The following GNS variants were observed in gnomAD, a reference collection of about 807,000 sequenced individuals.
GNS encodes glucosamine (N-acetyl)-6-sulfatase.
Under a neutral mutation model 69.7 loss-of-function variants are expected in GNS, and 40 were observed. The observed-to-expected ratio is 0.57, with a 90% CI of 0.45 to 0.75. The LOEUF is 0.75. Among genes scored for constraint, GNS ranks in the 30% least tolerant of loss-of-function variants. The pLI, the probability that GNS is intolerant of heterozygous loss-of-function variation, is 0.00. For synonymous variants in GNS, 243 were observed against 251.6 expected (o/e 0.97, Z 0.32); for missense variants, 565 against 685.5 (o/e 0.82, Z 1.96).
chr12:64,755,174 AC>A (rs748303647), intron 1 of GNS, among the ~76,000 whole-genome samples: 18 of 152,244 alleles, frequency 1.2e-4, no homozygotes, highest in Non-Finnish European at 1.6e-4. Flanking sequence ...CCCAAGCAGA[AC>A]CCTTTTCATT....
intron 11 of GNS, chr12:64,722,748 A>G (rs1017721909): frequency 4.5e-6 from 2 of 448,814 alleles, no homozygotes; most frequent in African/African-American, 4.0e-5. Context: ...AACAGGGAAG[A>G]GGAATTGATA....
chr12:64,747,791 T>C lies in GNS; in HGVS notation c.380A>G (p.Gln127Arg), dbSNP rs949871700. 2 of 1,612,790 alleles carry C rather than the reference T, an allele frequency of 1.2e-6. No individual in the cohort carries two copies. The highest frequency in any genetic ancestry group is 1.7e-6 in the Non-Finnish European group (2 of 1,178,736). Residue 127 changes from glutamine (Q) to arginine (R), a missense_variant, in exon 3 of 14, where the codon CAA becomes CGA. Transcript: ENST00000258145. Reference protein sequence around the residue: ...NCSSKSWQKIQEPNTFPAILR... With the variant: ...NCSSKSWQKIREPNTFPAILR... Reference sequence around the variant, plus strand: ...AATTGCTGGGAAAGTATTTGGTTCTTGGATCTTCTGCCAGGACTTACTACT... The same window carrying C: ...AATTGCTGGGAAAGTATTTGGTTCTCGGATCTTCTGCCAGGACTTACTACT...
chr12:64,716,031 G>C lies in GNS; in HGVS notation c.*710C>G, dbSNP rs1263624633. The C allele has an allele frequency of 6.5e-6, 1 of 153,972 alleles. No individual in the cohort carries two copies. Among genetic ancestry groups the C allele is most frequent in the Non-Finnish European group, 1.4e-5 (1 of 69,156 alleles). 9.5% of individuals were successfully genotyped at this position (153,972 alleles called of 1,614,324 possible). ...GTTGGCAGCCACTGGAAAGTAGATG[G>C]CTATCACCTTCAAGAGCTACCTGGA... On this transcript the variant is annotated 3_prime_UTR_variant, in exon 14 of 14. Transcript: ENST00000258145.
intron 1 of GNS, among the ~76,000 whole-genome samples, chr12:64,758,322 T>G (rs1870335490): frequency 2.9e-5 from 3 of 104,270 alleles, no homozygotes; most frequent in East Asian, 2.2e-4. Context: ...TTTTTTTTTT[T>G]TTTTTTTTTT....
chr12:64,749,499 G>A (rs1417197437), intron 2 of GNS, among the ~76,000 whole-genome samples: 6 of 151,918 alleles, frequency 3.9e-5, no homozygotes, highest in East Asian at 1.9e-4. Context: ...TGATCCACCC[G>A]CCTTGGCCTC....
intron 1 of GNS, among the ~76,000 whole-genome samples, chr12:64,753,981 T>A (rs902361263): frequency 7.9e-5 from 12 of 152,172 alleles, no homozygotes; most frequent in African/African-American, 2.7e-4. Flanking sequence ...TGTGAGGACA[T>A]TTGAAGGTGA....
In GNS at chr12:64,722,171, C is replaced by T. The variant is rs578044797; in HGVS notation, c.1309-466G>A. On this transcript the variant is annotated intron_variant, in intron 11 of 13. Coordinates refer to ENST00000258145, the MANE Select transcript of GNS (RefSeq NM_002076.4). ...TCCTGAGTAGCACAGGCATGCACCACCACGCCCGGCTAATTTTTGTATTTG... is the reference window on the plus strand; with the variant it reads ...TCCTGAGTAGCACAGGCATGCACCATCACGCCCGGCTAATTTTTGTATTTG... 3.9e-5 allele frequency among the ~76,000 whole-genome samples: 6 copies of T among 152,156 alleles called. No homozygotes were observed. The South Asian group carries it at 1.2e-3, about 32-fold the overall frequency.
rs890177855 is a variant in GNS at position 64,753,093 on chromosome 12, G to A, written c.193-336C>T. 1.3e-5 allele frequency: 4 copies of A among 309,528 alleles called. 1 individual carries two copies. The highest frequency in any genetic ancestry group is 2.4e-5 in the Non-Finnish European group (4 of 165,518). The allele number at this position is 309,528 out of a possible 1,614,324, so 19.2% of individuals were successfully genotyped here. A position where few individuals can be genotyped will look rare whatever the true frequency, so the allele number is the denominator to read the frequency against. ...ATTAATCTTTAGAAGTAGGATGTGG[G>A]AAATGATATAAAGGGAGCCTTCCGC... On this transcript the variant is annotated intron_variant, in intron 1 of 13. Coordinates refer to ENST00000258145, the MANE Select transcript of GNS (RefSeq NM_002076.4).
At chr12:64,745,611 C>T (rs1869875151) in intron 4 of GNS, 48 bp downstream of exon 4, 2 of 981,868 alleles carry the variant, frequency 2.0e-6, no homozygotes, top group East Asian at 4.8e-5. Flanking sequence ...ACATATTCTG[C>T]ATCTGTAGGG....
chr12:64,722,389 T>A (rs527239872), intron 11 of GNS, among the ~76,000 whole-genome samples: 11 of 152,274 alleles, frequency 7.2e-5, no homozygotes, highest in Admixed American at 5.2e-4. Context: ...TAAAATGAGT[T>A]TTGTGGAGTC....
In GNS at chr12:64,720,042, A is replaced by C; in HGVS notation, c.1560T>G (p.Thr520=). 1 of 1,613,396 alleles carries C rather than the reference A, an allele frequency of 6.2e-7. No individual in the cohort carries two copies. Among genetic ancestry groups the C allele is most frequent in the East Asian group, 2.2e-5 (1 of 44,872 alleles). The change falls in exon 13 of 14, where the codon ACT becomes ACG. Residue 520 remains threonine, a synonymous_variant. Transcript: ENST00000258145. ...CTTACCCGGGGTCAAAAACCCCTGG[A>C]GTGCGACAGGTTGGCCCAGAACAGG... The part of the protein sequence containing the change: ...LQSCSGPTCR[T]PGVFDPGYRF...
intron 1 of GNS, among the ~76,000 whole-genome samples, chr12:64,755,153 A>G (rs952356967): frequency 7.2e-5 from 11 of 152,210 alleles, no homozygotes; most frequent in South Asian, 4.1e-4. Flanking sequence ...CAAACATGTT[A>G]CTCTACTCAC....
At chr12:64,720,948 C>G (rs1043046029) in intron 12 of GNS, among the ~76,000 whole-genome samples, 2 of 152,200 alleles carry the variant, frequency 1.3e-5, no homozygotes, top group Non-Finnish European at 2.9e-5. Flanking sequence ...GGAAAGCTCT[C>G]TTGCTTGTTG....
intron 8 of GNS, among the ~76,000 whole-genome samples, chr12:64,738,222 C>A (rs940534981): frequency 6.6e-6 from 1 of 152,130 alleles, no homozygotes; most frequent in Non-Finnish European, 1.5e-5. Flanking sequence ...GTTGGCCAGG[C>A]TGATCTGGAA....
chr12:64,738,820 G>GC (rs200794405), intron 8 of GNS, among the ~76,000 whole-genome samples: 7 of 145,456 alleles, frequency 4.8e-5, no homozygotes, highest in Admixed American at 3.4e-4. Context: ...CCCCCCACCA[G>GC]CCCCCCAAAA....
At position 64,743,300 on chromosome 12, in the gene GNS, G is replaced by C. The variant is rs367799685; in HGVS notation, c.633C>G (p.Val211=). 5 of 1,610,256 alleles carry C rather than the reference G, an allele frequency of 3.1e-6. No individual in the cohort carries two copies. Among genetic ancestry groups the C allele is most frequent in the Non-Finnish European group, 4.2e-6 (5 of 1,176,718 alleles). ...ACTTGTAGTCCAGAAAGTCCAAGGA[G>C]ACATTAGCCTGACACATAAAAAGAT... is the stretch of plus-strand genomic sequence containing the variant. ...VDYLTDVLAN[V]SLDFLDYKSN... is the part of the protein sequence containing the mutation. Residue 211 remains valine, a synonymous_variant, in exon 6 of 14, where the codon GTC becomes GTG. Transcript: ENST00000258145.
intron 10 of GNS, among the ~76,000 whole-genome samples, chr12:64,726,616 T>C: frequency 6.6e-6 from 1 of 152,174 alleles, no homozygotes; most frequent in East Asian, 1.9e-4. Flanking sequence ...TACCTCAGCC[T>C]TCCAAGTAGT....
chr12:64,746,439 T>G (rs1401344614), intron 3 of GNS, among the ~76,000 whole-genome samples: 1 of 152,252 alleles, frequency 6.6e-6, no homozygotes, highest in Non-Finnish European at 1.5e-5. Context: ...AGATTTGGAC[T>G]GTTCAACCAG....
chr12:64,740,130 T>C (rs146372481), intron 7 of GNS, among the ~76,000 whole-genome samples: 5 of 152,334 alleles, frequency 3.3e-5, no homozygotes, highest in Non-Finnish European at 7.3e-5. Flanking sequence ...TCTGCCCCTT[T>C]ACAGAAAAAG....
Sources: allele counts gnomAD v4.1 joint callset (sites outside exome capture counted in the v4.1 genomes callset), GRCh38; gene constraint gnomAD v4.1.1; transcripts MANE v1.5; gene names NCBI Gene and HGNC (gene_info 2026-07-23, HGNC 2026-07-21).